The following SLC35F4 variants were observed in gnomAD, a reference collection of about 807,000 sequenced individuals.
The protein encoded by SLC35F4 is solute carrier family 35 member F4, also known as chromosome 14 open reading frame 36.
In SLC35F4, 24 loss-of-function variants were observed where a neutral mutation model predicts 44.2. That is an observed-to-expected ratio of 0.54 (90% CI 0.39 to 0.76). The LOEUF (loss-of-function observed/expected upper bound fraction) is 0.76. Ranked by LOEUF, SLC35F4 falls within the 30% of genes least tolerant of loss-of-function variation. The probability of loss-of-function intolerance (pLI) is 0.00; values close to 1 mark genes in which losing one functional copy is unlikely to be tolerated. For missense variants in SLC35F4, 562 were observed against 586.1 expected, an observed-to-expected ratio of 0.96 and a Z score of 0.42; for synonymous variants, 238 against 223.6, an observed-to-expected ratio of 1.06 and a Z score of -0.57.
intron 1 of SLC35F4, among the ~76,000 whole-genome samples, chr14:57,933,705 C>T (rs1889743407): frequency 6.6e-6 from 1 of 152,022 alleles, no homozygotes; most frequent in East Asian, 1.9e-4. Context: ...CAAATATTGA[C>T]AAAATGAAAT....
chr14:57,826,645 G>T (rs1883796541), intron 1 of SLC35F4, among the ~76,000 whole-genome samples: 1 of 150,566 alleles, frequency 6.6e-6, no homozygotes, highest in African/African-American at 2.4e-5. Flanking sequence ...GTCTACAAGA[G>T]AAATTTAAAC....
chr14:57,578,365 A>ATTT (rs2068974073), intron 4 of SLC35F4, among the ~76,000 whole-genome samples: 1 of 33,690 alleles, frequency 3.0e-5, no homozygotes, highest in African/African-American at 9.9e-5. Context: ...TTTTTTTTTG[A>ATTT]GTAGTCCAGT....
intron 1 of SLC35F4, among the ~76,000 whole-genome samples, chr14:57,966,441 A>C (rs376735701): frequency 1.3e-5 from 2 of 151,814 alleles, no homozygotes. Flanking sequence ...ACCTTTCAGA[A>C]TTTAACAAAT....
intron 1 of SLC35F4, among the ~76,000 whole-genome samples, chr14:57,751,265 G>T (rs1219060913): frequency 6.6e-6 from 1 of 152,088 alleles, no homozygotes; most frequent in Non-Finnish European, 1.5e-5. Flanking sequence ...ACCACTTCAG[G>T]TAAGTAAATA....
At chr14:57,888,577 T>A (rs1397845782) in intron 1 of SLC35F4, among the ~76,000 whole-genome samples, 2 of 152,208 alleles carry the variant, frequency 1.3e-5, no homozygotes, top group East Asian at 3.9e-4. Flanking sequence ...CGACCAGTTG[T>A]TGCTATTACG....
At chr14:57,834,550 A>G (rs964861898) in intron 1 of SLC35F4, among the ~76,000 whole-genome samples, 1 of 152,226 alleles carries the variant, frequency 6.6e-6, no homozygotes, top group African/African-American at 2.4e-5. Flanking sequence ...TAGAACTGGT[A>G]CCTAATTTCT....
chr14:57,781,101 A>C (rs913803608), intron 1 of SLC35F4, among the ~76,000 whole-genome samples: 5 of 152,210 alleles, frequency 3.3e-5, no homozygotes, highest in East Asian at 1.9e-4. Context: ...TCTGCACAGC[A>C]AAACAAACTA....
At chr14:57,811,957 G>A (rs1019013953) in intron 1 of SLC35F4, among the ~76,000 whole-genome samples, 10 of 152,150 alleles carry the variant, frequency 6.6e-5, no homozygotes. Flanking sequence ...ACTCCAGCCT[G>A]GGTGAGAGAG....
intron 1 of SLC35F4, among the ~76,000 whole-genome samples, chr14:57,805,908 G>T (rs1881263616): frequency 6.6e-6 from 1 of 152,090 alleles, no homozygotes; most frequent in Admixed American, 6.6e-5. Context: ...AAAAAGAAAA[G>T]GCACTAGAAA....
chr14:57,583,571 C>G (rs1477163555), intron 3 of SLC35F4, among the ~76,000 whole-genome samples: 1 of 152,154 alleles, frequency 6.6e-6, no homozygotes, highest in South Asian at 2.1e-4. Flanking sequence ...GTATTCCAGA[C>G]AGACAGAGCC....
intron 1 of SLC35F4, among the ~76,000 whole-genome samples, chr14:57,803,955 C>T (rs188843630): frequency 3.3e-5 from 5 of 152,224 alleles, no homozygotes; most frequent in African/African-American, 1.2e-4. Flanking sequence ...GCAAAAATCA[C>T]TAGCATTCCT....
At chr14:57,816,215 G>A (rs144131643) in intron 1 of SLC35F4, among the ~76,000 whole-genome samples, 17 of 152,130 alleles carry the variant, frequency 1.1e-4, no homozygotes, top group African/African-American at 3.6e-4. Context: ...GTATTTTCAC[G>A]AACTTCATAA....
chr14:57,664,012 T>C (rs975227729), intron 1 of SLC35F4, among the ~76,000 whole-genome samples: 6 of 149,638 alleles, frequency 4.0e-5, no homozygotes, highest in African/African-American at 1.5e-4. Context: ...AAAAAAAAAA[T>C]TCCTCATAGC....
intron 1 of SLC35F4, among the ~76,000 whole-genome samples, chr14:57,853,498 T>G (rs1437396248): frequency 6.6e-6 from 1 of 152,170 alleles, no homozygotes; most frequent in Non-Finnish European, 1.5e-5. Context: ...CTGGCAGCCA[T>G]GATTGGGAAA....
intron 1 of SLC35F4, among the ~76,000 whole-genome samples, chr14:57,909,611 G>A (rs1889177057): frequency 6.6e-6 from 1 of 151,300 alleles, no homozygotes; most frequent in African/African-American, 2.4e-5. Flanking sequence ...TTATTAATAT[G>A]CATCAAAGGT....
At chr14:57,703,506 T>C (rs1323465100) in intron 1 of SLC35F4, among the ~76,000 whole-genome samples, 2 of 152,302 alleles carry the variant, frequency 1.3e-5, no homozygotes, top group Admixed American at 6.5e-5. Context: ...AAAGGGCTAA[T>C]GGTAGTGGCA....
intron 1 of SLC35F4, among the ~76,000 whole-genome samples, chr14:57,702,207 T>C (rs1432001740): frequency 1.3e-5 from 2 of 152,096 alleles, no homozygotes; most frequent in Non-Finnish European, 1.5e-5. Context: ...CACTGTGAAG[T>C]AATCCTCTTG....
At chr14:57,758,041 GT>G (rs1163012845) in intron 1 of SLC35F4, among the ~76,000 whole-genome samples, 2 of 148,262 alleles carry the variant, frequency 1.3e-5, no homozygotes, top group Admixed American at 6.7e-5. Flanking sequence ...GTGTGTGTGT[GT>G]TATTTTAATA....
At chr14:57,583,493 G>T (rs747913997) in intron 3 of SLC35F4, among the ~76,000 whole-genome samples, 2 of 152,198 alleles carry the variant, frequency 1.3e-5, no homozygotes, top group Non-Finnish European at 2.9e-5. Context: ...TGGGAGGAGT[G>T]CTCCTAAGCA....
Sources: allele counts gnomAD v4.1 joint callset (sites outside exome capture counted in the v4.1 genomes callset), GRCh38; gene constraint gnomAD v4.1.1; transcripts MANE v1.5; gene names NCBI Gene and HGNC (gene_info 2026-07-23, HGNC 2026-07-21).